The following ZC3H14 variants were observed in gnomAD, a reference collection of about 807,000 sequenced individuals.
ZC3H14 encodes the protein zinc finger CCCH domain-containing protein 14.
A neutral mutation model predicts 92.4 loss-of-function variants in ZC3H14; 31 were observed. The observed-to-expected ratio is 0.34, with a 90% CI of 0.25 to 0.45. ZC3H14 has a LOEUF of 0.45. ZC3H14 is among the 20% of genes least tolerant of loss of function. ZC3H14 has a pLI of 1.00. For missense variants in ZC3H14, 781 were observed against 897.3 expected (o/e 0.87, Z 1.66); for synonymous variants, 321 against 300.9 (o/e 1.07, Z -0.69).
Position 88,616,377 on chromosome 14 carries a change from G to A in ZC3H14, c.*4626G>A. ...TAGCACCGCAGCCAGTGATTAGAATGCTTTTCAGCATGAGTAGTGGATCTG... is the reference window on the plus strand; with the variant it reads ...TAGCACCGCAGCCAGTGATTAGAATACTTTTCAGCATGAGTAGTGGATCTG... On this transcript the variant is annotated 3_prime_UTR_variant, in exon 17 of 17. Coordinates refer to ENST00000251038, the MANE Select transcript of ZC3H14 (RefSeq NM_024824.5). 1 of 849,740 alleles carries A rather than the reference G, an allele frequency of 1.2e-6. No individual in the cohort carries two copies. 52.6% of individuals were successfully genotyped at this position (849,740 alleles called of 1,614,324 possible).
Position 88,621,323 on chromosome 14 carries a change from T to C in ZC3H14, c.*9572T>C, listed in dbSNP as rs1432989254. ...TGCCCTGAAACACAAGCAGGACCAA[T>C]ACAGTGAATGTAATACAACAGCTGC... On this transcript the variant is annotated 3_prime_UTR_variant, in exon 17 of 17. Coordinates refer to ENST00000251038, the MANE Select transcript of ZC3H14 (RefSeq NM_024824.5). The C allele has an allele frequency of 6.2e-7, 1 of 1,612,976 alleles. No individual in the cohort carries two copies. The highest frequency in any genetic ancestry group is 8.5e-7 in the Non-Finnish European group (1 of 1,179,260).
intron 2 of ZC3H14, among the ~76,000 whole-genome samples, chr14:88,566,498 A>C (rs953038140): frequency 2.0e-5 from 3 of 152,204 alleles, no homozygotes; most frequent in South Asian, 2.1e-4. Flanking sequence ...AAGCTGAACC[A>C]AGATTTATTT....
rs997920353 is a variant in ZC3H14, at chr14:88,627,523, T to C, written c.*15772T>C. ...CTACAGTACCACTGTGTACAGTATATTGCATAGGCCTCCACTGAATGATTG... is the reference window on the plus strand; with the variant it reads ...CTACAGTACCACTGTGTACAGTATACTGCATAGGCCTCCACTGAATGATTG... On this transcript the variant is annotated 3_prime_UTR_variant, in exon 17 of 17. Coordinates refer to ENST00000251038, the MANE Select transcript of ZC3H14 (RefSeq NM_024824.5). 4.3e-6 allele frequency: 4 copies of C among 939,030 alleles called. No homozygotes were observed. The highest frequency in any genetic ancestry group is 1.8e-5 in the South Asian group (1 of 56,708). The allele number at this position is 939,030 out of a possible 1,614,324, so 58.2% of individuals were successfully genotyped here. A position where few individuals can be genotyped will look rare whatever the true frequency, so the allele number is the denominator to read the frequency against.
In ZC3H14 at chr14:88,625,136, G is replaced by A. The variant is rs777514023; in HGVS notation, c.*13385G>A. The A allele has an allele frequency of 6.2e-7, 1 of 1,613,158 alleles. No individual in the cohort carries two copies. The highest frequency in any genetic ancestry group is 1.1e-5 in the South Asian group (1 of 90,798). ...GTAAACGTCAAGTTATTCTGAAAAGGAGTGGGGGAGGGGGAGACAAACTCA... is the reference window on the plus strand; with the variant it reads ...GTAAACGTCAAGTTATTCTGAAAAGAAGTGGGGGAGGGGGAGACAAACTCA... On this transcript the variant is annotated 3_prime_UTR_variant, in exon 17 of 17. Coordinates refer to ENST00000251038, the MANE Select transcript of ZC3H14 (RefSeq NM_024824.5).
chr14:88,614,361 C>T lies in ZC3H14; in HGVS notation c.*2610C>T, dbSNP rs2087277288. ...TTAGCCCCATAATCAGTCCTTCAGC[C>T]ACAGCTATTTAGAGCTTTAAAACTA... is the stretch of plus-strand genomic sequence containing the variant. On this transcript the variant is annotated 3_prime_UTR_variant, in exon 17 of 17. Coordinates refer to ENST00000251038, the MANE Select transcript of ZC3H14 (RefSeq NM_024824.5). 6.6e-6 allele frequency: 1 copy of T among 152,186 alleles called. No individual in the cohort carries two copies. Among genetic ancestry groups the T allele is most frequent in the South Asian group, 2.1e-4 (1 of 4,830 alleles). The allele number at this position is 152,186 out of a possible 1,614,324, so 9.4% of individuals were successfully genotyped here.
At chr14:88,598,188 C>T (rs2084113305) in intron 10 of ZC3H14, among the ~76,000 whole-genome samples, 1 of 152,002 alleles carries the variant, frequency 6.6e-6, no homozygotes, top group Admixed American at 6.6e-5. Flanking sequence ...CTCAGAAGGT[C>T]ACTGGTATTC....
At chr14:88,575,415 C>G (rs1048627718) in intron 7 of ZC3H14, among the ~76,000 whole-genome samples, 4 of 151,982 alleles carry the variant, frequency 2.6e-5, no homozygotes, top group Admixed American at 6.6e-5. Context: ...TAAAAGGGGC[C>G]TAGGCATGGT....
chr14:88,621,740 A>C lies in ZC3H14; in HGVS notation c.*9989A>C. ...TTATAAATACACTTAATAAGTACAA[A>C]CACGCTCAAAAATTTTCATAGGAGT... On this transcript the variant is annotated 3_prime_UTR_variant, in exon 17 of 17. Transcript: ENST00000251038. 1 of 348,170 alleles carries C rather than the reference A, an allele frequency of 2.9e-6. No homozygotes were observed. Among genetic ancestry groups the C allele is most frequent in the Non-Finnish European group, 5.7e-6 (1 of 175,456 alleles). 21.6% of individuals were successfully genotyped at this position (348,170 alleles called of 1,614,324 possible).
Position 88,621,216 on chromosome 14 carries a change from T to C in ZC3H14, c.*9465T>C, listed in dbSNP as rs2088856402. On this transcript the variant is annotated 3_prime_UTR_variant, in exon 17 of 17. Transcript: ENST00000251038. ...TAGTCCCCAGATTGGCCCATCCACA[T>C]GACCGTTAACTAAAATATTACAAGC... The C allele has an allele frequency of 1.9e-6, 3 of 1,613,852 alleles. No individual in the cohort carries two copies. Among genetic ancestry groups the C allele is most frequent in the Non-Finnish European group, 2.5e-6 (3 of 1,179,884 alleles).
chr14:88,582,420 T>G (rs1463056683), intron 9 of ZC3H14, among the ~76,000 whole-genome samples: 4 of 152,096 alleles, frequency 2.6e-5, no homozygotes, highest in African/African-American at 9.7e-5. Flanking sequence ...CCTGAGAAAT[T>G]GAGATTAAAA....
intron 10 of ZC3H14, among the ~76,000 whole-genome samples, chr14:88,598,264 A>G (rs952231659): frequency 2.0e-5 from 3 of 152,084 alleles, no homozygotes; most frequent in Admixed American, 2.0e-4. Flanking sequence ...TGTGGTGGAA[A>G]GTGATTTGTC....
chr14:88,593,849 G>A (rs2083455235), intron 9 of ZC3H14, among the ~76,000 whole-genome samples: 2 of 150,890 alleles, frequency 1.3e-5, no homozygotes, highest in South Asian at 2.1e-4. Context: ...AAGATAACTC[G>A]GACTTCATCA....
intron 9 of ZC3H14, among the ~76,000 whole-genome samples, chr14:88,582,470 T>C (rs1380534939): frequency 2.0e-5 from 3 of 152,160 alleles, no homozygotes; most frequent in African/African-American, 7.2e-5. Context: ...GATTAAATTG[T>C]AGTGGCTAGG....
In ZC3H14 at chr14:88,567,334, C is replaced by G. The variant is rs1450814337; in HGVS notation, c.80-705C>G. 2.6e-5 allele frequency among the ~76,000 whole-genome samples: 4 copies of G among 151,436 alleles called. No individual in the cohort carries two copies. In the East Asian group the frequency reaches 7.7e-4, roughly 29 times the overall value. ...GTTTCACTGTGTTAGCCAGGATGGT[C>G]TCAATCTCCTAACCTTGTGATCTGC... On this transcript the variant is annotated intron_variant, in intron 2 of 16. Transcript: ENST00000251038.
rs889792100 is a variant in ZC3H14, at chr14:88,620,236, C to T, written c.*8485C>T. On this transcript the variant is annotated 3_prime_UTR_variant, in exon 17 of 17. Coordinates refer to ENST00000251038, the MANE Select transcript of ZC3H14 (RefSeq NM_024824.5). This position sits in a 1 kb window ranked among gnomAD's most constrained non-coding sequence, Gnocchi z 4.3. Reference sequence around the variant, plus strand: ...ATCTACTGATCACACGGAAGTACTCCGTAAATGGTAGCCACTGTTGAAAAA... The same window carrying T: ...ATCTACTGATCACACGGAAGTACTCTGTAAATGGTAGCCACTGTTGAAAAA... 1 of 152,156 alleles carries T rather than the reference C, an allele frequency of 6.6e-6. No individual in the cohort carries two copies. Among genetic ancestry groups the T allele is most frequent in the Non-Finnish European group, 1.5e-5 (1 of 68,060 alleles). 9.4% of individuals were successfully genotyped at this position (152,156 alleles called of 1,614,324 possible).
Position 88,574,776 on chromosome 14 carries a change from GGAAGAA to G in ZC3H14, c.948_953del (p.Glu316_Glu317del). 6.2e-7 allele frequency: 1 copy of G among 1,614,156 alleles called. No individual in the cohort carries two copies. The highest frequency in any genetic ancestry group is 1.3e-5 in the African/African-American group (1 of 75,044). On this transcript the variant is annotated inframe_deletion, in exon 7 of 17. Transcript: ENST00000251038. ...AATTCAATCATGATGGAGAAGAGGA[GGAAGAA>G]GATGATGATTACGGGTCTCGAACAG...
Position 88,615,643 on chromosome 14 carries a change from G to C in ZC3H14, c.*3892G>C, listed in dbSNP as rs2087475160. The C allele has an allele frequency of 3.3e-6, 2 of 601,766 alleles. No homozygotes were observed. The highest frequency in any genetic ancestry group is 6.6e-5 in the Admixed American group (2 of 30,456). 37.3% of individuals were successfully genotyped at this position (601,766 alleles called of 1,614,324 possible). On this transcript the variant is annotated 3_prime_UTR_variant, in exon 17 of 17. Transcript: ENST00000251038. ...GTGTATGGATTACGGATTATACCCA[G>C]TGCATATAGCAAATATTTTGAACAG...
At chr14:88,595,329 T>G (rs1442956169) in intron 9 of ZC3H14, among the ~76,000 whole-genome samples, 1 of 152,200 alleles carries the variant, frequency 6.6e-6, no homozygotes, top group Non-Finnish European at 1.5e-5. Flanking sequence ...TAAAACGATG[T>G]TTTGAAAAGA....
intron 10 of ZC3H14, 134 bp from the exon 11 acceptor site, chr14:88,601,790 G>T: frequency 9.3e-7 from 1 of 1,077,838 alleles, no homozygotes. Context: ...CTGTTTTCCT[G>T]AGTGGAACCA....
Sources: gnomAD v4.1 joint callset for allele counts (sites outside exome capture counted in the v4.1 genomes callset) on GRCh38, gnomAD v4.1.1 for gene constraint, Gnocchi (gnomAD v3.1) non-coding constraint, MANE v1.5 for transcripts, NCBI Gene and HGNC (gene_info 2026-07-23, HGNC 2026-07-21) for gene names.